Variants in DTNBP1 observed in about 807,000 individuals in gnomAD.
The protein encoded by DTNBP1 is dysbindin.
DTNBP1 carries 35 observed loss-of-function variants against 42.8 expected under a neutral mutation model. The observed-to-expected ratio is 0.82, with a 90% CI of 0.63 to 1.09. The LOEUF is 1.09. DTNBP1 is among the 50% of genes least tolerant of loss of function. The pLI, the probability that DTNBP1 is intolerant of heterozygous loss-of-function variation, is 0.00. For synonymous variants in DTNBP1, 171 were observed against 162.2 expected (o/e 1.05, Z -0.41); for missense variants, 457 against 424.2 (o/e 1.08, Z -0.68).
intron 1 of DTNBP1, among the ~76,000 whole-genome samples, chr6:15,656,156 C>A (rs1019131718): frequency 6.6e-6 from 1 of 152,154 alleles, no homozygotes; most frequent in Non-Finnish European, 1.5e-5. Flanking sequence ...AGCCGAGAAA[C>A]CAATGTACTA....
At chr6:15,594,007 C>G (rs1291758181) in intron 6 of DTNBP1, among the ~76,000 whole-genome samples, 1 of 152,192 alleles carries the variant, frequency 6.6e-6, no homozygotes, top group Non-Finnish European at 1.5e-5. Context: ...GGCAAGCTGC[C>G]TACTGAAAGG....
chr6:15,593,733 A>G (rs183605864), intron 6 of DTNBP1, among the ~76,000 whole-genome samples: 1 of 152,346 alleles, frequency 6.6e-6, no homozygotes, highest in East Asian at 1.9e-4. Context: ...AAGAAAGCAA[A>G]GCAAGTTGTT....
intron 6 of DTNBP1, among the ~76,000 whole-genome samples, chr6:15,609,614 C>T (rs1240270888): frequency 6.6e-6 from 1 of 152,218 alleles, no homozygotes; most frequent in Non-Finnish European, 1.5e-5. Flanking sequence ...CCACCACGCC[C>T]AGCCTCGTTT....
chr6:15,552,127 C>T (rs1211052807), intron 7 of DTNBP1, among the ~76,000 whole-genome samples: 1 of 152,178 alleles, frequency 6.6e-6, no homozygotes, highest in Non-Finnish European at 1.5e-5. Flanking sequence ...TCCATGGAAT[C>T]AGTGCAGGAG....
chr6:15,564,221 G>T (rs965573878), intron 7 of DTNBP1, among the ~76,000 whole-genome samples: 1 of 152,046 alleles, frequency 6.6e-6, no homozygotes, highest in Non-Finnish European at 1.5e-5. Context: ...CATCGGGCAA[G>T]GAACCTACTA....
At chr6:15,610,487 T>C (rs141613725) in intron 6 of DTNBP1, among the ~76,000 whole-genome samples, 9 of 152,312 alleles carry the variant, frequency 5.9e-5, no homozygotes, top group African/African-American at 2.2e-4. Flanking sequence ...GAAAGAGTCT[T>C]ATATCTCTCA....
chr6:15,606,845 C>T (rs946964129), intron 6 of DTNBP1, among the ~76,000 whole-genome samples: 15 of 152,134 alleles, frequency 9.9e-5, no homozygotes, highest in East Asian at 3.9e-4. Flanking sequence ...TATTTTTAAG[C>T]GACTCATCTC....
In DTNBP1 at chr6:15,524,507, G is replaced by A. The variant is rs1236220810; in HGVS notation, c.811+19C>T. 1 of 1,608,812 alleles carries A rather than the reference G, an allele frequency of 6.2e-7. No homozygotes were observed. Among genetic ancestry groups the A allele is most frequent in the Non-Finnish European group, 8.5e-7 (1 of 1,176,222 alleles). ...TCGATACTGCCCTGGTTCAGCTAAT[G>A]CAAGTTTGTCAACCCTACCTAAGGC... On this transcript the variant is annotated intron_variant, in intron 9 of 9. Transcript: ENST00000344537.
At chr6:15,621,342 A>G (rs1173243848) in intron 5 of DTNBP1, among the ~76,000 whole-genome samples, 1 of 152,254 alleles carries the variant, frequency 6.6e-6, no homozygotes, top group Non-Finnish European at 1.5e-5. Flanking sequence ...GGTTGACTAC[A>G]GAGCTAATGA....
chr6:15,522,826 A>G lies in DTNBP1; in HGVS notation c.*149T>C. On this transcript the variant is annotated 3_prime_UTR_variant, in exon 10 of 10. Transcript: ENST00000344537. Reference sequence around the variant, plus strand: ...TCTCAGTTTACCGTCCTCACACTTTATTGTTAGCTGTTCTTTAAGTTTCTC... The same window carrying G: ...TCTCAGTTTACCGTCCTCACACTTTGTTGTTAGCTGTTCTTTAAGTTTCTC... 1 of 1,390,822 alleles carries G rather than the reference A, an allele frequency of 7.2e-7. No individual in the cohort carries two copies. Among genetic ancestry groups the G allele is most frequent in the Non-Finnish European group, 1.0e-6 (1 of 998,588 alleles). The allele number at this position is 1,390,822 out of a possible 1,614,324, so 86.2% of individuals were successfully genotyped here.
intron 4 of DTNBP1, among the ~76,000 whole-genome samples, chr6:15,636,853 G>T (rs1275462504): frequency 6.6e-6 from 1 of 152,134 alleles, no homozygotes; most frequent in Admixed American, 6.5e-5. Context: ...TGTTGTTGTT[G>T]TTGGCCCTTT....
Position 15,524,622 on chromosome 6 carries a change from C to A in DTNBP1, c.715G>T (p.Glu239Ter). ...GATATGTCCATCAGGTCCATCTGCT[C>A]CAGCATGTCCACGTTCACTTCCATG... ...SSMEVNVDML[E>*]QMDLMDISDQ... is the part of the protein sequence containing the mutation. Residue 239 changes from glutamate to a stop codon, truncating the protein, a stop_gained, in exon 9 of 10, where the codon GAG becomes TAG. Coordinates refer to ENST00000344537, the MANE Select transcript of DTNBP1 (RefSeq NM_032122.5). LOFTEE classifies it high-confidence loss of function. 6.2e-7 allele frequency: 1 copy of A among 1,613,890 alleles called. No homozygotes were observed. Among genetic ancestry groups the A allele is most frequent in the Non-Finnish European group, 8.5e-7 (1 of 1,179,982 alleles).
chr6:15,627,598 A>G (rs1482063287), intron 4 of DTNBP1, 123 bp from the exon 5 acceptor site: 1 of 1,372,454 alleles, frequency 7.3e-7, no homozygotes, highest in East Asian at 2.5e-5. Flanking sequence ...ATTACGGTAC[A>G]TTCTAAAAGA....
At chr6:15,574,152 C>G (rs1775463714) in intron 7 of DTNBP1, among the ~76,000 whole-genome samples, 2 of 152,186 alleles carry the variant, frequency 1.3e-5, no homozygotes, top group Admixed American at 1.3e-4. Context: ...ACCACAAAAA[C>G]ACAAAGAGTT....
chr6:15,625,606 T>C (rs1247748397), intron 5 of DTNBP1, among the ~76,000 whole-genome samples: 1 of 152,230 alleles, frequency 6.6e-6, no homozygotes, highest in Non-Finnish European at 1.5e-5. Flanking sequence ...ATGAAAGACT[T>C]ATAGAGACTG....
intron 8 of DTNBP1, among the ~76,000 whole-genome samples, chr6:15,525,661 G>A (rs771111064): frequency 3.3e-5 from 5 of 152,178 alleles, no homozygotes; most frequent in East Asian, 3.8e-4. Flanking sequence ...TCTCAAACTC[G>A]GGGCACAGTC....
chr6:15,535,722 T>C (rs1488018765), intron 7 of DTNBP1, among the ~76,000 whole-genome samples: 1 of 152,160 alleles, frequency 6.6e-6, no homozygotes, highest in African/African-American at 2.4e-5. Flanking sequence ...GAAGGGACTT[T>C]GGAACTGGGT....
At chr6:15,609,842 G>C (rs1202333151) in intron 6 of DTNBP1, among the ~76,000 whole-genome samples, 1 of 152,172 alleles carries the variant, frequency 6.6e-6, no homozygotes, top group Non-Finnish European at 1.5e-5. Flanking sequence ...GGTAAGAGCA[G>C]ACCTAGCTGT....
rs79682462 is a variant in DTNBP1 at position 15,555,222 on chromosome 6, A to T, written c.512-21827T>A. 6.8e-3 allele frequency among the ~76,000 whole-genome samples: 1,033 copies of T among 150,904 alleles called. 14 individuals are homozygous for T. Among genetic ancestry groups the T allele is most frequent in the African/African-American group, 0.024 (981 of 40,922 alleles). On this transcript the variant is annotated intron_variant, in intron 7 of 9. Transcript: ENST00000344537. The stretch of plus-strand genomic sequence containing the variant: ...GATAAAACACTTTCCTCTTTGCTGG[A>T]ATCTCTTAATGTTGATGGTCAAAAG...
Sources: gnomAD v4.1 joint callset for allele counts (sites outside exome capture counted in the v4.1 genomes callset) on GRCh38, gnomAD v4.1.1 for gene constraint, MANE v1.5 for transcripts, NCBI Gene and HGNC (gene_info 2026-07-23, HGNC 2026-07-21) for gene names.